SEC61A2: variants seen among roughly 807,000 people sequenced by gnomAD.
The protein encoded by SEC61A2 is protein transport protein Sec61 subunit alpha isoform 2.
Under a neutral mutation model 59.9 loss-of-function variants are expected in SEC61A2, and 28 were observed. The ratio of observed to expected loss-of-function variants is 0.47; its 90% confidence interval spans 0.35 to 0.64. The LOEUF is 0.64. Ranked by LOEUF, SEC61A2 falls within the 30% of genes least tolerant of loss-of-function variation. The pLI, the probability that SEC61A2 is intolerant of heterozygous loss-of-function variation, is 0.01. For synonymous variants in SEC61A2, 202 were observed against 214.4 expected (o/e 0.94, Z 0.50); for missense variants, 340 against 585.9 (o/e 0.58, Z 4.33).
chr10:12,149,153 A>G lies in SEC61A2; in HGVS notation c.221-442A>G, dbSNP rs966962564. On this transcript the variant is annotated intron_variant, in intron 4 of 11. Coordinates refer to ENST00000298428, the MANE Select transcript of SEC61A2 (RefSeq NM_018144.4). This position sits in a 1 kb window ranked among gnomAD's most constrained non-coding sequence, Gnocchi z 5.2. ...TGCCCGGGCTGGAGTGCAGTGGCGC[A>G]ATCTCGGCTTACTGCAACCTCTGCC... Among the ~76,000 whole-genome samples, 1 of 151,840 alleles carries G rather than the reference A, an allele frequency of 6.6e-6. No homozygotes were observed. The highest frequency in any genetic ancestry group is 2.4e-5 in the African/African-American group (1 of 41,340).
In SEC61A2 at chr10:12,153,763, G is replaced by C. The variant is rs376769485; in HGVS notation, c.463-2015G>C. ...GCGTTACTAACATTGAAAATATGTG[G>C]ATACACTGAAGAGCTATGATTGGAT... On this transcript the variant is annotated intron_variant, in intron 6 of 11. Coordinates refer to ENST00000298428, the MANE Select transcript of SEC61A2 (RefSeq NM_018144.4). The surrounding 1 kb of genome is among the most constrained non-coding windows in gnomAD (Gnocchi z 5.2). 1.9e-5 allele frequency: 30 copies of C among 1,610,660 alleles called. No individual in the cohort carries two copies. Among genetic ancestry groups the C allele is most frequent in the Non-Finnish European group, 2.5e-5 (29 of 1,179,216 alleles).
intron 1 of SEC61A2, among the ~76,000 whole-genome samples, chr10:12,131,924 T>A: frequency 0.5 from 1 of 2 alleles, no homozygotes; most frequent in Non-Finnish European, 0.5. Context: ...CTTGAGCTCC[T>A]GACCTCAAGT....
chr10:12,141,196 G>A (rs187540554), intron 3 of SEC61A2, among the ~76,000 whole-genome samples: 9 of 152,262 alleles, frequency 5.9e-5, no homozygotes, highest in Admixed American at 3.9e-4. Flanking sequence ...CATCGTGCCT[G>A]GCCCTCACCT....
In SEC61A2 at chr10:12,160,497, G is replaced by C. The variant is rs10906091; in HGVS notation, c.976-433G>C. On this transcript the variant is annotated intron_variant, in intron 9 of 11. Transcript: ENST00000298428. This position sits in a 1 kb window ranked among gnomAD's most constrained non-coding sequence, Gnocchi z 4.1. Reference sequence around the variant, plus strand: ...AAACCACATAAAGTCTAGGCAGCAAGTTAAAGTCTTATGTCAGTATTTTAG... The same window carrying C: ...AAACCACATAAAGTCTAGGCAGCAACTTAAAGTCTTATGTCAGTATTTTAG... Among the ~76,000 whole-genome samples the C allele has an allele frequency of 0.42, 63,350 of 152,022 alleles. 13,230 individuals are homozygous for C. The highest frequency in any genetic ancestry group is 0.53 in the East Asian group (2,719 of 5,168).
chr10:12,133,385 C>T, intron 2 of SEC61A2, 77 bp downstream of exon 2: 1 of 717,588 alleles, frequency 1.4e-6, no homozygotes, highest in Non-Finnish European at 2.4e-6. Flanking sequence ...CATTTCCTTA[C>T]CTCAGTCCTT....
chr10:12,140,052 C>G (rs1833981269), intron 3 of SEC61A2, among the ~76,000 whole-genome samples: 2 of 151,706 alleles, frequency 1.3e-5, no homozygotes, highest in African/African-American at 4.8e-5. Context: ...GGGGTGTGGG[C>G]AGTGAGCTTT....
intron 3 of SEC61A2, among the ~76,000 whole-genome samples, chr10:12,138,824 T>C (rs11257561): frequency 0.4 from 60,704 of 152,164 alleles, 13,246 homozygotes; most frequent in South Asian, 0.55. Flanking sequence ...GCTATGAACA[T>C]TCATGTATAA....
chr10:12,167,969 A>G (rs910292599), downstream of SEC61A2: 2 of 1,322,658 alleles, frequency 1.5e-6, no homozygotes, highest in Admixed American at 3.3e-5. Context: ...CTTAAAGAAT[A>G]AAGACTATAA....
chr10:12,133,067 TATC>T (rs1294334237), intron 1 of SEC61A2, among the ~76,000 whole-genome samples, 171 bp from the exon 2 acceptor site: 3 of 152,254 alleles, frequency 2.0e-5, no homozygotes. Flanking sequence ...CCTGGAATGA[TATC>T]TCTTCCTTTA....
intron 1 of SEC61A2, among the ~76,000 whole-genome samples, chr10:12,130,384 A>AT (rs1404272798): frequency 6.6e-6 from 1 of 152,162 alleles, no homozygotes; most frequent in Non-Finnish European, 1.5e-5. Flanking sequence ...TCAACCCCAC[A>AT]TATGTGCACG....
rs952195165 is a variant in SEC61A2, at chr10:12,162,133, G to A, written c.1168-80G>A. 2.8e-6 allele frequency: 3 copies of A among 1,063,258 alleles called. No homozygotes were observed. The highest frequency in any genetic ancestry group is 4.4e-6 in the Non-Finnish European group (3 of 686,472). The allele number at this position is 1,063,258 out of a possible 1,614,324, so 65.9% of individuals were successfully genotyped here. A position where few individuals can be genotyped will look rare whatever the true frequency, so the allele number is the denominator to read the frequency against. On this transcript the variant is annotated intron_variant, in intron 10 of 11. Transcript: ENST00000298428. The surrounding 1 kb of genome is among the most constrained non-coding windows in gnomAD (Gnocchi z 6.1). Reference sequence around the variant, plus strand: ...TGTATGTTACGTGTTAGTGTGTGGCGAGCACTTCGCATAGAACGTGGTAGA... The same window carrying A: ...TGTATGTTACGTGTTAGTGTGTGGCAAGCACTTCGCATAGAACGTGGTAGA...
At chr10:12,167,959 C>G (rs1347944399), downstream of SEC61A2, 2 of 1,380,224 alleles carry the variant, frequency 1.4e-6, no homozygotes, top group African/African-American at 3.0e-5. Flanking sequence ...CTATAAGGAT[C>G]TTAAAGAATA....
chr10:12,131,682 C>CT (rs1199525836), intron 1 of SEC61A2, among the ~76,000 whole-genome samples: 1,170 of 46,504 alleles, frequency 0.025, 280 homozygotes, highest in African/African-American at 0.06. Context: ...GATTACATAC[C>CT]TTTTTTTTTT....
rs567516837 is a variant in SEC61A2, at chr10:12,149,015, G to T, written c.221-580G>T. ...GAGTGGCCCAGGAAGTCTTGGCACTGTAGAATTACTTGATTCCATACCTTC... is the reference window on the plus strand; with the variant it reads ...GAGTGGCCCAGGAAGTCTTGGCACTTTAGAATTACTTGATTCCATACCTTC... On this transcript the variant is annotated intron_variant, in intron 4 of 11. Coordinates refer to ENST00000298428, the MANE Select transcript of SEC61A2 (RefSeq NM_018144.4). This position sits in a 1 kb window ranked among gnomAD's most constrained non-coding sequence, Gnocchi z 5.2. 6.6e-6 allele frequency among the ~76,000 whole-genome samples: 1 copy of T among 152,138 alleles called. No individual in the cohort carries two copies. The highest frequency in any genetic ancestry group is 1.5e-5 in the Non-Finnish European group (1 of 68,030).
chr10:12,136,082 A>G lies in SEC61A2; in HGVS notation c.76-23A>G, dbSNP rs779932471. ...TGCTGTTTCTTGGTTTTGATTGATG[A>G]TTCTTTACATTTTGTTGTACAGATC... On this transcript the variant is annotated intron_variant, in intron 2 of 11. Coordinates refer to ENST00000298428, the MANE Select transcript of SEC61A2 (RefSeq NM_018144.4). 3 of 1,559,760 alleles carry G rather than the reference A, an allele frequency of 1.9e-6. No homozygotes were observed. The African/African-American group carries it at 4.1e-5, about 21-fold the overall frequency.
rs896154318 is a variant in SEC61A2, at chr10:12,143,591, C to T, written c.220+396C>T. Among the ~76,000 whole-genome samples, 1 of 152,078 alleles carries T rather than the reference C, an allele frequency of 6.6e-6. No individual in the cohort carries two copies. Among genetic ancestry groups the T allele is most frequent in the Non-Finnish European group, 1.5e-5 (1 of 68,012 alleles). ...CTCTACTAAAAATAGAAAAATTAGC[C>T]AGGTGTGGGTATGCACCTGTAATCC... On this transcript the variant is annotated intron_variant, in intron 4 of 11. Coordinates refer to ENST00000298428, the MANE Select transcript of SEC61A2 (RefSeq NM_018144.4). This position sits in a 1 kb window ranked among gnomAD's most constrained non-coding sequence, Gnocchi z 4.8.
chr10:12,134,077 G>A (rs1357932551), intron 2 of SEC61A2, among the ~76,000 whole-genome samples: 2 of 152,224 alleles, frequency 1.3e-5, no homozygotes, highest in African/African-American at 4.8e-5. Flanking sequence ...CGCCATCAAG[G>A]CTCACTGCAA....
intron 3 of SEC61A2, among the ~76,000 whole-genome samples, chr10:12,140,852 G>C (rs751517457): frequency 6.6e-6 from 1 of 151,528 alleles, no homozygotes; most frequent in Admixed American, 6.6e-5. Context: ...CACCCATCTC[G>C]ACCTCCCAAA....
At chr10:12,157,104 A>C in intron 8 of SEC61A2, 37 bp downstream of exon 8, 1 of 1,587,870 alleles carries the variant, frequency 6.3e-7, no homozygotes, top group African/African-American at 1.4e-5. Flanking sequence ...AGTGGGATGT[A>C]GATTTTTATT....
Sources: allele counts gnomAD v4.1 joint callset (sites outside exome capture counted in the v4.1 genomes callset), GRCh38; gene constraint gnomAD v4.1.1; non-coding constraint Gnocchi (gnomAD v3.1); transcripts MANE v1.5; gene names NCBI Gene and HGNC (gene_info 2026-07-23, HGNC 2026-07-21).